Variants in CYTH3 observed in about 807,000 individuals in gnomAD.
CYTH3 encodes the protein cytohesin 3.
In CYTH3, 23 loss-of-function variants were observed where a neutral mutation model predicts 55.1. That is an observed-to-expected ratio of 0.42 (90% CI 0.30 to 0.59). The LOEUF (loss-of-function observed/expected upper bound fraction) is 0.59, where lower values mean the gene tolerates loss of function less well. CYTH3 is among the 20% of genes least tolerant of loss of function. The pLI is 0.20. For missense variants in CYTH3, 413 were observed against 524.8 expected, an observed-to-expected ratio of 0.79 and a Z score of 2.08; for synonymous variants, 249 against 194.9, an observed-to-expected ratio of 1.28 and a Z score of -2.31.
intron 4 of CYTH3, among the ~76,000 whole-genome samples, chr7:6,179,675 A>ACC (rs1562881348): frequency 1.8e-5 from 1 of 55,388 alleles, no homozygotes; most frequent in African/African-American, 9.8e-5. Flanking sequence ...CCACACACAC[A>ACC]CCACACACAC....
intron 4 of CYTH3, among the ~76,000 whole-genome samples, chr7:6,179,618 ACACACC>A (rs1467663305): frequency 0.037 from 4,612 of 123,370 alleles, 296 homozygotes; most frequent in African/African-American, 0.14. Context: ...CACCACACAC[ACACACC>A]CCCCACATAC....
At chr7:6,199,080 G>A (rs1784002945) in intron 1 of CYTH3, among the ~76,000 whole-genome samples, 1 of 152,204 alleles carries the variant, frequency 6.6e-6, no homozygotes, top group Non-Finnish European at 1.5e-5. Flanking sequence ...GTGGAAAGAA[G>A]GCAGGAAATC....
chr7:6,174,571 A>G (rs1193818185), intron 5 of CYTH3, among the ~76,000 whole-genome samples: 1 of 124,144 alleles, frequency 8.1e-6, no homozygotes, highest in East Asian at 2.2e-4. Flanking sequence ...TTTTCCAGAC[A>G]GAGTCTCGCT....
Position 6,171,112 on chromosome 7 carries a change from A to C in CYTH3, c.562+90T>G. 1 of 1,583,376 alleles carries C rather than the reference A, an allele frequency of 6.3e-7. No homozygotes were observed. Among genetic ancestry groups the C allele is most frequent in the Non-Finnish European group, 8.7e-7 (1 of 1,155,688 alleles). ...GCTCAGGGAAGGCAGGTCCCCAGGA[A>C]CACACGCTGGGCTGTGCCCACAGGG... On this transcript the variant is annotated intron_variant, in intron 7 of 12. Transcript: ENST00000350796. This position sits in a 1 kb window ranked among gnomAD's most constrained non-coding sequence, Gnocchi z 6.7.
rs1017896360 is a variant in CYTH3, at chr7:6,167,214, T to G, written c.824-1404A>C. ...CCATGCTCTCTGCAAGCCCTTGGCCTTCACCTTCCCCACCTCCACTGCAGC... is the reference window on the plus strand; with the variant it reads ...CCATGCTCTCTGCAAGCCCTTGGCCGTCACCTTCCCCACCTCCACTGCAGC... On this transcript the variant is annotated intron_variant, in intron 9 of 12. Coordinates refer to ENST00000350796, the MANE Select transcript of CYTH3 (RefSeq NM_004227.4). This position sits in a 1 kb window ranked among gnomAD's most constrained non-coding sequence, Gnocchi z 5.5. Among the ~76,000 whole-genome samples, 36 of 152,116 alleles carry G rather than the reference T, an allele frequency of 2.4e-4. No homozygotes were observed. Among genetic ancestry groups the G allele is most frequent in the African/African-American group, 8.5e-4 (35 of 41,420 alleles).
intron 1 of CYTH3, 26 bp from the exon 2 acceptor site, chr7:6,190,557 TACTTTGGAGAAC>T: frequency 6.7e-7 from 1 of 1,487,510 alleles, no homozygotes; most frequent in Non-Finnish European, 8.9e-7. Context: ...AATAATTAAC[TACTTTGGAGAAC>T]ACATTGGCAA....
At chr7:6,173,539 G>T in intron 6 of CYTH3, 114 bp downstream of exon 6, 1 of 735,280 alleles carries the variant, frequency 1.4e-6, no homozygotes, top group Non-Finnish European at 2.5e-6. Context: ...GCCAGCATCT[G>T]TGAGACTCGT....
chr7:6,195,456 T>C (rs1783901624), intron 1 of CYTH3, among the ~76,000 whole-genome samples: 1 of 152,176 alleles, frequency 6.6e-6, no homozygotes, highest in African/African-American at 2.4e-5. Flanking sequence ...GGTTTTCTTT[T>C]TCTTTTTTAT....
chr7:6,179,696 ACACACC>A (rs1415044323), intron 4 of CYTH3, among the ~76,000 whole-genome samples: 30 of 65,036 alleles, frequency 4.6e-4, no homozygotes, highest in African/African-American at 2.0e-3. Context: ...CCCCCCACAC[ACACACC>A]CCACACACAC....
At chr7:6,200,461 T>A (rs1784033130) in intron 1 of CYTH3, among the ~76,000 whole-genome samples, 2 of 152,192 alleles carry the variant, frequency 1.3e-5, no homozygotes, top group African/African-American at 2.4e-5. Flanking sequence ...AACAAAAATT[T>A]GGTCATTTAA....
intron 1 of CYTH3, among the ~76,000 whole-genome samples, chr7:6,238,707 G>A (rs1178029261): frequency 6.6e-6 from 1 of 152,174 alleles, no homozygotes; most frequent in Non-Finnish European, 1.5e-5. Context: ...ACAATGACAT[G>A]TCAATGTAGG....
Position 6,169,516 on chromosome 7 carries a change from A to C in CYTH3, c.823+1019T>G, listed in dbSNP as rs1783109801. 1.3e-5 allele frequency among the ~76,000 whole-genome samples: 2 copies of C among 152,042 alleles called. No individual in the cohort carries two copies. Among genetic ancestry groups the C allele is most frequent in the Admixed American group, 6.6e-5 (1 of 15,260 alleles). ...ATGAGCCACTGCACCCGGCTGATAA[A>C]ATTTTTAAAAAATCACCAGGATGCT... On this transcript the variant is annotated intron_variant, in intron 9 of 12. Coordinates refer to ENST00000350796, the MANE Select transcript of CYTH3 (RefSeq NM_004227.4). This position sits in a 1 kb window ranked among gnomAD's most constrained non-coding sequence, Gnocchi z 4.1.
At chr7:6,248,590 G>C (rs552937165) in intron 1 of CYTH3, among the ~76,000 whole-genome samples, 32 of 152,186 alleles carry the variant, frequency 2.1e-4, no homozygotes, top group Non-Finnish European at 4.3e-4. Context: ...TGTTGAAGCC[G>C]CGTGTGTCCT....
intron 2 of CYTH3, among the ~76,000 whole-genome samples, chr7:6,189,467 G>A (rs138752766): frequency 1.8e-4 from 27 of 152,054 alleles, no homozygotes; most frequent in African/African-American, 6.3e-4. Context: ...AAACTTAGCT[G>A]GGCATGGTGG....
At chr7:6,225,728 G>A (rs1779233211) in intron 1 of CYTH3, among the ~76,000 whole-genome samples, 1 of 149,490 alleles carries the variant, frequency 6.7e-6, no homozygotes, top group Admixed American at 6.7e-5. Context: ...CGCCCAGGCT[G>A]CAGTGCAAAG....
Position 6,167,284 on chromosome 7 carries a change from G to A in CYTH3, c.824-1474C>T, listed in dbSNP as rs945377528. Among the ~76,000 whole-genome samples, 4 of 152,164 alleles carry A rather than the reference G, an allele frequency of 2.6e-5. No individual in the cohort carries two copies. The highest frequency in any genetic ancestry group is 9.7e-5 in the African/African-American group (4 of 41,442). ...CCACAGGGGAGGGCAGGAGACCCTG[G>A]GGGCAACCTGCCTTGTCCCACAGTC... is the stretch of plus-strand genomic sequence containing the variant. On this transcript the variant is annotated intron_variant, in intron 9 of 12. Coordinates refer to ENST00000350796, the MANE Select transcript of CYTH3 (RefSeq NM_004227.4). This position sits in a 1 kb window ranked among gnomAD's most constrained non-coding sequence, Gnocchi z 5.5.
intron 1 of CYTH3, among the ~76,000 whole-genome samples, chr7:6,237,004 G>A (rs1038173153): frequency 6.6e-6 from 1 of 152,208 alleles, no homozygotes; most frequent in African/African-American, 2.4e-5. Flanking sequence ...GAGTTTTGGT[G>A]AAATGCATTT....
intron 1 of CYTH3, among the ~76,000 whole-genome samples, chr7:6,209,832 A>G (rs1784283781): frequency 6.6e-6 from 1 of 152,250 alleles, no homozygotes; most frequent in Non-Finnish European, 1.5e-5. Flanking sequence ...TTAACTGTAT[A>G]TGGCTAAGTG....
intron 1 of CYTH3, among the ~76,000 whole-genome samples, chr7:6,245,233 T>C (rs1305321938): frequency 3.9e-5 from 6 of 152,068 alleles, no homozygotes; most frequent in Non-Finnish European, 7.4e-5. Flanking sequence ...AACTGTGTTA[T>C]ATGGTTCTAG....
Sources: gnomAD v4.1 joint callset for allele counts (sites outside exome capture counted in the v4.1 genomes callset) on GRCh38, gnomAD v4.1.1 for gene constraint, Gnocchi (gnomAD v3.1) non-coding constraint, MANE v1.5 for transcripts, NCBI Gene and HGNC (gene_info 2026-07-23, HGNC 2026-07-21) for gene names.